RALYL: variants seen among roughly 807,000 people sequenced by gnomAD.
The protein encoded by RALYL is RALY RNA binding protein like.
Under a neutral mutation model 35.1 loss-of-function variants are expected in RALYL, and 29 were observed. The ratio of observed to expected loss-of-function variants is 0.83; its 90% CI spans 0.61 to 1.13. The LOEUF (loss-of-function observed/expected upper bound fraction) is 1.13, where lower values mean the gene tolerates loss of function less well. Among genes scored for constraint, RALYL ranks in the 50% most tolerant of loss-of-function variants. RALYL has a pLI of 0.00. For synonymous variants in RALYL, 120 were observed against 127.6 expected (o/e 0.94, Z 0.40); for missense variants, 359 against 360.4 (o/e 1.00, Z 0.03).
intron 2 of RALYL, among the ~76,000 whole-genome samples, chr8:84,643,431 T>C (rs550239777): frequency 5.9e-5 from 9 of 152,110 alleles, no homozygotes; most frequent in Admixed American, 3.9e-4. Context: ...CAGAGAAGCA[T>C]TGAAGGCAGC....
chr8:84,308,696 GT>G, intron 1 of RALYL, among the ~76,000 whole-genome samples: 1 of 152,096 alleles, frequency 6.6e-6, no homozygotes, highest in East Asian at 1.9e-4. Context: ...GATAAAATGT[GT>G]ATTTTTAAAT....
chr8:84,408,664 A>T (rs1413265604), intron 1 of RALYL, among the ~76,000 whole-genome samples: 1 of 152,160 alleles, frequency 6.6e-6, no homozygotes, highest in Non-Finnish European at 1.5e-5. Context: ...TTCCTGAATG[A>T]TTGCATGGAG....
rs187847073 is a variant in RALYL, at chr8:84,920,162, A to G, written c.859-732A>G. ...AAGACATACACAGATTTTCTATCTA[A>G]CCCCTAAGACCTTTGAAGTTGATGG... On this transcript the variant is annotated intron_variant, in intron 8 of 8. Coordinates refer to ENST00000521268, the MANE Select transcript of RALYL (RefSeq NM_173848.7). 3.4e-4 allele frequency among the ~76,000 whole-genome samples: 52 copies of G among 152,242 alleles called. No homozygotes were observed. The East Asian group carries it at 9.8e-3, about 29-fold the overall frequency.
rs866558848 is a variant in RALYL at position 84,253,188 on chromosome 8, T to G, written c.-24+68764T>G. On this transcript the variant is annotated intron_variant, in intron 1 of 8. Transcript: ENST00000521268. ...GTGTAGTTCTGCAGTTTTTTTTTTT[T>G]TTTTTTTTTTTTTTTTTTTGAGACA... is the stretch of plus-strand genomic sequence containing the variant. Among the ~76,000 whole-genome samples, 12 of 124,602 alleles carry G rather than the reference T, an allele frequency of 9.6e-5. No individual in the cohort carries two copies. The South Asian group carries it at 2.7e-3, about 28-fold the overall frequency. 81.7% of individuals were successfully genotyped at this position (124,602 alleles called of 152,430 possible).
chr8:84,507,099 C>T (rs1253653635), intron 1 of RALYL, among the ~76,000 whole-genome samples: 1 of 151,886 alleles, frequency 6.6e-6, no homozygotes, highest in African/African-American at 2.4e-5. Context: ...TTTTATTGTT[C>T]ACCACTGTTT....
chr8:84,744,185 G>A (rs922922970), intron 2 of RALYL, among the ~76,000 whole-genome samples: 26 of 151,972 alleles, frequency 1.7e-4, no homozygotes, highest in South Asian at 2.1e-4. Flanking sequence ...TGAGAGGAAT[G>A]GAATCAGAAC....
chr8:84,297,828 G>T (rs575608711), intron 1 of RALYL, among the ~76,000 whole-genome samples: 271 of 152,080 alleles, frequency 1.8e-3, no homozygotes, highest in Middle Eastern at 3.4e-3. Flanking sequence ...ATATCTTGTT[G>T]TTTGCGTGTA....
intron 2 of RALYL, among the ~76,000 whole-genome samples, chr8:84,691,049 C>T (rs1309496218): frequency 6.6e-6 from 1 of 152,080 alleles, no homozygotes; most frequent in Non-Finnish European, 1.5e-5. Context: ...CATCTCCAAG[C>T]ATTTTATAGT....
intron 1 of RALYL, among the ~76,000 whole-genome samples, chr8:84,210,770 C>A (rs1354047110): frequency 6.6e-6 from 1 of 152,080 alleles, no homozygotes; most frequent in Non-Finnish European, 1.5e-5. Context: ...CTATGCCATT[C>A]ATGCTTGTAC....
At chr8:84,637,242 T>C (rs1386906344) in intron 2 of RALYL, among the ~76,000 whole-genome samples, 1 of 151,938 alleles carries the variant, frequency 6.6e-6, no homozygotes. Context: ...AAGTTTTGTT[T>C]ATTCTAGGAC....
At chr8:84,479,827 A>G (rs567847646) in intron 1 of RALYL, among the ~76,000 whole-genome samples, 1 of 152,292 alleles carries the variant, frequency 6.6e-6, no homozygotes, top group South Asian at 2.1e-4. Context: ...TTCCCAGGGT[A>G]GATTACAGAA....
intron 2 of RALYL, among the ~76,000 whole-genome samples, chr8:84,559,276 A>G (rs971004143): frequency 1.3e-5 from 2 of 152,078 alleles, no homozygotes; most frequent in Non-Finnish European, 2.9e-5. Flanking sequence ...TCATAAAAAG[A>G]TACAGTAAGT....
At chr8:84,759,932 C>T (rs951512009) in intron 2 of RALYL, among the ~76,000 whole-genome samples, 2 of 152,132 alleles carry the variant, frequency 1.3e-5, no homozygotes, top group Non-Finnish European at 2.9e-5. Context: ...ATTTATATGT[C>T]TCAGCCCTTT....
intron 1 of RALYL, among the ~76,000 whole-genome samples, chr8:84,344,080 G>A (rs1849365569): frequency 6.6e-6 from 1 of 151,814 alleles, no homozygotes; most frequent in African/African-American, 2.4e-5. Context: ...GTGCAATCTT[G>A]CGCAACAGGA....
At chr8:84,897,739 C>T (rs898401895) in intron 8 of RALYL, among the ~76,000 whole-genome samples, 15 of 152,050 alleles carry the variant, frequency 9.9e-5, no homozygotes, top group African/African-American at 3.6e-4. Flanking sequence ...AAAATAACAA[C>T]CGAAAGAATT....
intron 1 of RALYL, among the ~76,000 whole-genome samples, chr8:84,235,767 C>CTTTTTTTTTTTTTTT (rs556495836): frequency 3.2e-5 from 4 of 126,934 alleles, no homozygotes; most frequent in Non-Finnish European, 4.9e-5. Context: ...TTTTCTTTTT[C>CTTTTTTTTTTTTTTT]TTTTTTTTTT....
At chr8:84,687,460 G>T (rs1837048290) in intron 2 of RALYL, among the ~76,000 whole-genome samples, 1 of 152,062 alleles carries the variant, frequency 6.6e-6, no homozygotes, top group Admixed American at 6.6e-5. Context: ...TTGATTTCCT[G>T]ATAGACGTAG....
chr8:84,233,852 A>G (rs1563578692), intron 1 of RALYL, among the ~76,000 whole-genome samples: 2 of 152,174 alleles, frequency 1.3e-5, no homozygotes, highest in Non-Finnish European at 2.9e-5. Context: ...TGAGAATAGC[A>G]TGTTTCATCT....
chr8:84,789,397 T>G (rs1189546399), intron 3 of RALYL, among the ~76,000 whole-genome samples: 2 of 152,232 alleles, frequency 1.3e-5, no homozygotes, highest in Non-Finnish European at 2.9e-5. Context: ...GCAAAGACAC[T>G]TATGATACTG....
Sources: allele counts gnomAD v4.1 joint callset (sites outside exome capture counted in the v4.1 genomes callset), GRCh38; gene constraint gnomAD v4.1.1; transcripts MANE v1.5; gene names NCBI Gene and HGNC (gene_info 2026-07-23, HGNC 2026-07-21).